Variants in SEMA7A observed in about 807,000 individuals in gnomAD.
The protein encoded by SEMA7A is semaphorin 7A (JohnMiltonHagen blood group), also known as semaphorin-7A.
SEMA7A carries 21 observed loss-of-function variants against 67.5 expected under a neutral mutation model. That is an observed-to-expected ratio of 0.31 (90% CI 0.22 to 0.45). SEMA7A has a LOEUF of 0.45. Ranked by LOEUF, SEMA7A falls within the 20% of genes least tolerant of loss-of-function variation. The probability of loss-of-function intolerance (pLI) is 1.00; values close to 1 mark genes in which losing one functional copy is unlikely to be tolerated. For missense variants in SEMA7A, 774 were observed against 908.6 expected (o/e 0.85, Z 1.90); for synonymous variants, 364 against 368.5 (o/e 0.99, Z 0.14).
intron 2 of SEMA7A, 58 bp downstream of exon 2, chr15:74,418,743 C>A: frequency 6.4e-7 from 1 of 1,572,538 alleles, no homozygotes; most frequent in Non-Finnish European, 8.7e-7. Flanking sequence ...GGACCCTTGG[C>A]AGGGCCAGAG....
At chr15:74,424,270 G>A (rs1338649683) in intron 1 of SEMA7A, among the ~76,000 whole-genome samples, 1 of 152,108 alleles carries the variant, frequency 6.6e-6, no homozygotes, top group Non-Finnish European at 1.5e-5. Context: ...TGCGAGTCAG[G>A]GTGGGTGCTG....
intron 1 of SEMA7A, among the ~76,000 whole-genome samples, chr15:74,419,967 T>C (rs566170894): frequency 6.6e-6 from 1 of 152,266 alleles, no homozygotes; most frequent in African/African-American, 2.4e-5. Context: ...CCTGTGGTTG[T>C]GCCCCCAGCA....
At chr15:74,418,763 G>A in intron 2 of SEMA7A, 38 bp downstream of exon 2, 1 of 1,603,430 alleles carries the variant, frequency 6.2e-7, no homozygotes, top group Non-Finnish European at 8.5e-7. Context: ...GGGGAGATAA[G>A]AGGGTAGGGG....
intron 3 of SEMA7A, 134 bp from the exon 4 acceptor site, chr15:74,418,103 C>A: frequency 8.4e-7 from 1 of 1,186,454 alleles, no homozygotes; most frequent in South Asian, 1.3e-5. Context: ...CCCGGGACAG[C>A]CCAGAGTGTG....
Position 74,417,355 on chromosome 15 carries a change from G to A in SEMA7A, c.641C>T (p.Thr214Ile). ...CTCACTCTGCATGACAGTATCACTGGTGTACAGCTCACTCTCGCCCCGGAT... is the reference window on the plus strand; with the variant it reads ...CTCACTCTGCATGACAGTATCACTGATGTACAGCTCACTCTCGCCCCGGAT... ...RRIRGESELY[T>I]SDTVMQNPQF... Residue 214 changes from threonine to isoleucine, a missense_variant, in exon 6 of 14, where the codon ACC becomes ATC. Transcript: ENST00000261918. 1 of 1,613,836 alleles carries A rather than the reference G, an allele frequency of 6.2e-7. No individual in the cohort carries two copies. The highest frequency in any genetic ancestry group is 8.5e-7 in the Non-Finnish European group (1 of 1,179,882).
intron 1 of SEMA7A, among the ~76,000 whole-genome samples, chr15:74,430,034 T>C (rs747569307): frequency 6.6e-6 from 1 of 151,044 alleles, no homozygotes; most frequent in Non-Finnish European, 1.5e-5. Flanking sequence ...TCTGCCCATC[T>C]ACATCTACAC....
chr15:74,417,276 G>A (rs920554299), intron 6 of SEMA7A, 59 bp downstream of exon 6: 6 of 1,331,108 alleles, frequency 4.5e-6, no homozygotes, highest in African/African-American at 1.4e-5. Flanking sequence ...GATCCCATCT[G>A]CCACCTTAAG....
intron 1 of SEMA7A, chr15:74,433,459 G>T: frequency 3.8e-6 from 3 of 794,050 alleles, no homozygotes; most frequent in Non-Finnish European, 4.9e-6. Context: ...CTCCCCTGGC[G>T]CCCGGGCGTT....
intron 1 of SEMA7A, among the ~76,000 whole-genome samples, chr15:74,428,025 G>A (rs1048647168): frequency 6.6e-6 from 1 of 152,218 alleles, no homozygotes; most frequent in Non-Finnish European, 1.5e-5. Context: ...AGAAGGCATG[G>A]CAGGATCAGC....
intron 10 of SEMA7A, among the ~76,000 whole-genome samples, chr15:74,413,296 G>C (rs1005240486): frequency 1.3e-5 from 2 of 152,240 alleles, no homozygotes; most frequent in African/African-American, 4.8e-5. Flanking sequence ...CCAGTTGTGA[G>C]AGCCTCCCAT....
At chr15:74,418,175 G>A (rs909484375) in intron 3 of SEMA7A, 93 bp downstream of exon 3, 4 of 1,348,676 alleles carry the variant, frequency 3.0e-6, no homozygotes, top group Admixed American at 1.7e-5. Context: ...TGGGACTCGT[G>A]GGGCAGGGCC....
At chr15:74,417,772 G>A (rs1310460685) in intron 4 of SEMA7A, 97 bp from the exon 5 acceptor site, 2 of 1,542,270 alleles carry the variant, frequency 1.3e-6, no homozygotes, top group East Asian at 4.5e-5. Context: ...TCCTCCCAGG[G>A]CAAGGCCAGC....
At chr15:74,420,541 C>T (rs1253104892) in intron 1 of SEMA7A, among the ~76,000 whole-genome samples, 1 of 152,200 alleles carries the variant, frequency 6.6e-6, no homozygotes, top group Non-Finnish European at 1.5e-5. Context: ...CCTCCCTGGC[C>T]CCCAAGCCTC....
At chr15:74,429,614 C>T (rs547129794) in intron 1 of SEMA7A, among the ~76,000 whole-genome samples, 55 of 152,330 alleles carry the variant, frequency 3.6e-4, no homozygotes, top group East Asian at 7.7e-4. Flanking sequence ...TGCCAGCACT[C>T]GAGAGGCCTT....
chr15:74,433,625 G>A lies in SEMA7A; in HGVS notation c.178+116C>T, dbSNP rs190321670. 1.4e-3 allele frequency: 1,772 copies of A among 1,282,306 alleles called. 22 individuals carry two copies. In the African/African-American group the frequency reaches 0.025, roughly 18 times the overall value. 79.4% of individuals were successfully genotyped at this position (1,282,306 alleles called of 1,614,324 possible). A position where few individuals can be genotyped will look rare whatever the true frequency, so the allele number is the denominator to read the frequency against. ...ACGCTCCACGCGGGGACAGCGCGGG[G>A]ACAGCCCGGGACCCGCAGAGCTGCG... On this transcript the variant is annotated intron_variant, in intron 1 of 13. Transcript: ENST00000261918.
Position 74,415,819 on chromosome 15 carries a change from C to T in SEMA7A, c.968G>A (p.Gly323Asp). ...CACTCACCAGGGGTTGGAGAAAACA[C>T]CATAGACCCTGGTGTCCCTCCACTG... ...SGQWRDTRVYGVFSNPWNYSA... is the reference protein window; with the variant it reads ...SGQWRDTRVYDVFSNPWNYSA... Residue 323 changes from glycine (G) to aspartate (D), a missense_variant, in exon 8 of 14, where the codon GGT becomes GAT. By Grantham distance (94) the Gly-to-Asp change is moderately conservative. Coordinates refer to ENST00000261918, the MANE Select transcript of SEMA7A (RefSeq NM_003612.5). 6.2e-7 allele frequency: 1 copy of T among 1,613,520 alleles called. No individual in the cohort carries two copies. The highest frequency in any genetic ancestry group is 8.5e-7 in the Non-Finnish European group (1 of 1,179,698).
rs1372150467 is a variant in SEMA7A, at chr15:74,414,611, T to C, written c.1230A>G (p.Lys410=). 3 of 1,614,190 alleles carry C rather than the reference T, an allele frequency of 1.9e-6. No individual in the cohort carries two copies. The highest frequency in any genetic ancestry group is 2.5e-6 in the Non-Finnish European group (3 of 1,180,032). Residue 410 remains lysine (K), a synonymous_variant, in exon 10 of 14, where the codon AAA becomes AAG. Coordinates refer to ENST00000261918, the MANE Select transcript of SEMA7A (RefSeq NM_003612.5). This position sits in a 1 kb window ranked among gnomAD's most constrained non-coding sequence, Gnocchi z 4.1. ...TGGCTTGCATGCGGTGGACGGCCAC[T>C]TTCTGGTAGTGGTATTTAGAGTGGA... is the stretch of plus-strand genomic sequence containing the variant. The part of the protein sequence containing the change: ...PLFHSKYHYQ[K]VAVHRMQASH...
At position 74,411,879 on chromosome 15, in the gene SEMA7A, G is replaced by A. The variant is rs778526604; in HGVS notation, c.1422+6C>T. On this transcript the variant is annotated splice_donor_region_variant and intron_variant, in intron 11 of 13. Transcript: ENST00000261918. The surrounding 1 kb of genome is among the most constrained non-coding windows in gnomAD (Gnocchi z 4.4). Reference sequence around the variant, plus strand: ...AGCCCATGGGACGCAGTGGGGGAAGGCTCACCCGCTCAGCATCCAGCGACA... The same window carrying A: ...AGCCCATGGGACGCAGTGGGGGAAGACTCACCCGCTCAGCATCCAGCGACA... 6 of 1,613,620 alleles carry A rather than the reference G, an allele frequency of 3.7e-6. No individual in the cohort carries two copies. In the East Asian group the frequency reaches 1.1e-4, roughly 30 times the overall value.
chr15:74,417,250 C>T (rs1216858255), intron 6 of SEMA7A, 85 bp downstream of exon 6: 20 of 1,102,282 alleles, frequency 1.8e-5, no homozygotes, highest in Non-Finnish European at 2.6e-5. Flanking sequence ...TCAGGGAGCC[C>T]TCCCAGAAAC....
Sources: gnomAD v4.1 joint callset for allele counts (sites outside exome capture counted in the v4.1 genomes callset) on GRCh38, gnomAD v4.1.1 for gene constraint, Gnocchi (gnomAD v3.1) non-coding constraint, MANE v1.5 for transcripts, NCBI Gene and HGNC (gene_info 2026-07-23, HGNC 2026-07-21) for gene names.